Variants in KCNIP4 observed in about 807,000 individuals in gnomAD.
KCNIP4 encodes the protein Kv channel-interacting protein 4.
KCNIP4 carries 12 observed loss-of-function variants against 34.0 expected under a neutral mutation model. The ratio of observed to expected loss-of-function variants is 0.35; its 90% CI spans 0.23 to 0.57. The LOEUF is 0.57. Among genes scored for constraint, KCNIP4 ranks in the 20% least tolerant of loss-of-function variants. The pLI is 0.83. For missense variants in KCNIP4, 238 were observed against 311.7 expected, an observed-to-expected ratio of 0.76 and a Z score of 1.78; for synonymous variants, 124 against 102.2, an observed-to-expected ratio of 1.21 and a Z score of -1.29.
At chr4:20,850,348 C>T in intron 3 of KCNIP4, 195 bp downstream of exon 3, 1 of 525,170 alleles carries the variant, frequency 1.9e-6, no homozygotes, top group Non-Finnish European at 3.4e-6. Flanking sequence ...TGGGCAATCA[C>T]AGTATGCCAG....
At chr4:20,955,191 C>T (rs1307733591) in intron 1 of KCNIP4, among the ~76,000 whole-genome samples, 2 of 152,156 alleles carry the variant, frequency 1.3e-5, no homozygotes, top group African/African-American at 4.8e-5. Context: ...TTCATTCAGC[C>T]CTTCTGACTA....
intron 1 of KCNIP4, among the ~76,000 whole-genome samples, chr4:21,062,631 G>T (rs980124862): frequency 1.3e-5 from 2 of 152,034 alleles, no homozygotes; most frequent in Non-Finnish European, 2.9e-5. Context: ...TGGTGAGTCT[G>T]CAAGCAGGAG....
At chr4:20,897,131 CAATT>C (rs141481067) in intron 1 of KCNIP4, among the ~76,000 whole-genome samples, 7,340 of 152,054 alleles carry the variant, frequency 0.048, 199 homozygotes, top group Middle Eastern at 0.11. Flanking sequence ...GTTTTTGTTT[CAATT>C]AATTAATTAA....
intron 1 of KCNIP4, among the ~76,000 whole-genome samples, chr4:21,404,606 A>C (rs1274104242): frequency 1.3e-5 from 2 of 152,206 alleles, no homozygotes; most frequent in Non-Finnish European, 2.9e-5. Flanking sequence ...ATAGCATATT[A>C]ACAATCTTCA....
chr4:21,248,791 G>A (rs922595488), intron 1 of KCNIP4, among the ~76,000 whole-genome samples: 2 of 152,088 alleles, frequency 1.3e-5, no homozygotes, highest in Middle Eastern at 3.2e-3. Flanking sequence ...TTACTCCTAA[G>A]TACTATTATT....
Position 21,291,921 on chromosome 4 carries a change from AAG to A in KCNIP4, c.62-409214_62-409213del, listed in dbSNP as rs1376767075. Among the ~76,000 whole-genome samples, 9 of 87,836 alleles carry A rather than the reference AAG, an allele frequency of 1.0e-4. 1 individual carries two copies. The highest frequency in any genetic ancestry group is 6.7e-4 in the African/African-American group (9 of 13,478). 57.6% of individuals were successfully genotyped at this position (87,836 alleles called of 152,430 possible). On this transcript the variant is annotated intron_variant, in intron 1 of 8. Coordinates refer to ENST00000382152, the MANE Select transcript of KCNIP4 (RefSeq NM_025221.6). ...AAAGAAAGAAAGAAAGAAAGAAAGAAAGAAAGAAAGAAAGAAAAAAAAAGAAA... is the reference window on the plus strand; with the variant it reads ...AAAGAAAGAAAGAAAGAAAGAAAGAAAAAGAAAGAAAGAAAAAAAAAGAAA...
intron 1 of KCNIP4, among the ~76,000 whole-genome samples, chr4:21,729,518 AC>A (rs1490636951): frequency 6.6e-6 from 1 of 152,172 alleles, no homozygotes; most frequent in African/African-American, 2.4e-5. Context: ...ACATAAATGC[AC>A]AGTAAAAGAT....
At chr4:21,388,316 TC>T (rs1722224691) in intron 1 of KCNIP4, among the ~76,000 whole-genome samples, 1 of 151,190 alleles carries the variant, frequency 6.6e-6, no homozygotes, top group Admixed American at 6.6e-5. Context: ...CCTCAACTGT[TC>T]CACACTAACT....
intron 2 of KCNIP4, among the ~76,000 whole-genome samples, chr4:20,874,057 C>G (rs1265997457): frequency 6.6e-6 from 1 of 151,988 alleles, no homozygotes; most frequent in East Asian, 1.9e-4. Context: ...AGGAGAATGA[C>G]AGCAAAAACA....
chr4:20,934,340 C>T (rs987563358), intron 1 of KCNIP4, among the ~76,000 whole-genome samples: 6 of 152,194 alleles, frequency 3.9e-5, no homozygotes, highest in African/African-American at 1.4e-4. Context: ...GAATTTCTCT[C>T]TTAAAGTTTA....
chr4:21,715,093 A>ATTT (rs1226453596), intron 1 of KCNIP4, among the ~76,000 whole-genome samples: 1 of 130,946 alleles, frequency 7.6e-6, no homozygotes, highest in African/African-American at 3.0e-5. Context: ...TATTTTATTT[A>ATTT]TTTTTGAGAT....
intron 1 of KCNIP4, among the ~76,000 whole-genome samples, chr4:21,228,525 C>T (rs899853732): frequency 1.3e-4 from 20 of 152,174 alleles, no homozygotes; most frequent in African/African-American, 4.8e-4. Context: ...CCACTCAAGG[C>T]AGCACTTGAC....
rs555120645 is a variant in KCNIP4 at position 21,114,053 on chromosome 4, G to A, written c.62-231344C>T. On this transcript the variant is annotated intron_variant, in intron 1 of 8. Coordinates refer to ENST00000382152, the MANE Select transcript of KCNIP4 (RefSeq NM_025221.6). ...TTGATGTGGTCCAGACCTATCCGTA[G>A]CCTGTTTCCTATCCCTGATTCAGTC... Among the ~76,000 whole-genome samples, 7 of 152,254 alleles carry A rather than the reference G, an allele frequency of 4.6e-5. No individual in the cohort carries two copies. The South Asian group carries it at 6.2e-4, about 14-fold the overall frequency.
At chr4:20,784,131 T>C (rs543534951) in intron 3 of KCNIP4, among the ~76,000 whole-genome samples, 25 of 152,326 alleles carry the variant, frequency 1.6e-4, no homozygotes, top group Non-Finnish European at 3.1e-4. Context: ...ATGAGCTCAT[T>C]ATTTTTGTTT....
intron 1 of KCNIP4, among the ~76,000 whole-genome samples, chr4:21,076,941 G>T (rs1287364974): frequency 6.6e-6 from 1 of 152,054 alleles, no homozygotes; most frequent in African/African-American, 2.4e-5. Flanking sequence ...TGGCAAACAT[G>T]GTGAAACCCC....
intron 1 of KCNIP4, among the ~76,000 whole-genome samples, chr4:21,197,031 A>G (rs983198014): frequency 6.6e-6 from 1 of 152,212 alleles, no homozygotes; most frequent in Non-Finnish European, 1.5e-5. Flanking sequence ...ATCGTAAACA[A>G]TATAGCTTTT....
intron 3 of KCNIP4, among the ~76,000 whole-genome samples, chr4:20,841,813 C>A (rs528169294): frequency 1.3e-5 from 2 of 151,006 alleles, no homozygotes; most frequent in Non-Finnish European, 3.0e-5. Flanking sequence ...CCCCACTATC[C>A]TTAGAATAAA....
chr4:20,778,361 C>T (rs771527278), intron 3 of KCNIP4, among the ~76,000 whole-genome samples: 3 of 152,142 alleles, frequency 2.0e-5, no homozygotes, highest in Non-Finnish European at 4.4e-5. Flanking sequence ...ATTCTTAACT[C>T]ATAGTTAGAA....
At chr4:21,509,624 C>T (rs1734136400) in intron 1 of KCNIP4, among the ~76,000 whole-genome samples, 1 of 152,084 alleles carries the variant, frequency 6.6e-6, no homozygotes, top group South Asian at 2.1e-4. Context: ...AACAATCCAC[C>T]CTCCTCAGCC....
Sources: gnomAD v4.1 joint callset for allele counts (sites outside exome capture counted in the v4.1 genomes callset) on GRCh38, gnomAD v4.1.1 for gene constraint, MANE v1.5 for transcripts, NCBI Gene and HGNC (gene_info 2026-07-23, HGNC 2026-07-21) for gene names.